The following PDZRN4 variants were observed in gnomAD, a reference collection of about 807,000 sequenced individuals.
The protein encoded by PDZRN4 is PDZ domain containing ring finger 4.
Under a neutral mutation model 99.0 loss-of-function variants are expected in PDZRN4, and 70 were observed. That is an observed-to-expected ratio of 0.71 (90% CI 0.58 to 0.86). The LOEUF is 0.86. Among genes scored for constraint, PDZRN4 ranks in the 40% least tolerant of loss-of-function variants. PDZRN4 has a pLI of 0.00. For synonymous variants in PDZRN4, 551 were observed against 501.6 expected, an observed-to-expected ratio of 1.10 and a Z score of -1.32; for missense variants, 1,474 against 1,331.2, an observed-to-expected ratio of 1.11 and a Z score of -1.67.
At chr12:41,480,748 A>T (rs1038652442) in intron 3 of PDZRN4, among the ~76,000 whole-genome samples, 3 of 152,122 alleles carry the variant, frequency 2.0e-5, no homozygotes, top group African/African-American at 7.2e-5. Context: ...ACAGAAAGCA[A>T]GATAGGGGAG....
intron 3 of PDZRN4, chr12:41,438,037 C>T: frequency 6.2e-7 from 1 of 1,611,342 alleles, no homozygotes; most frequent in Non-Finnish European, 8.5e-7. Flanking sequence ...CTGATACCAG[C>T]AACTAAGAGC....
intron 5 of PDZRN4, among the ~76,000 whole-genome samples, chr12:41,538,977 G>T (rs1938798689): frequency 6.6e-6 from 1 of 151,974 alleles, no homozygotes; most frequent in Non-Finnish European, 1.5e-5. Context: ...ATAACACAAT[G>T]TCACTGTTAA....
rs56031225 is a variant in PDZRN4 at position 41,402,115 on chromosome 12, GTA to G, written c.844-104316_844-104315del. Among the ~76,000 whole-genome samples the G allele has an allele frequency of 2.3e-3, 60 of 25,862 alleles. 6 individuals are homozygous for G. The highest frequency in any genetic ancestry group is 0.016 in the East Asian group (15 of 964). 17.0% of individuals were successfully genotyped at this position (25,862 alleles called of 152,430 possible). ...ATATATATATATATATACACACTGA[GTA>G]TATATATATATATATATATATATAC... On this transcript the variant is annotated intron_variant, in intron 3 of 9. Coordinates refer to ENST00000402685, the MANE Select transcript of PDZRN4 (RefSeq NM_001164595.2).
At chr12:41,288,551 T>C (rs1036994023) in intron 3 of PDZRN4, among the ~76,000 whole-genome samples, 1 of 152,128 alleles carries the variant, frequency 6.6e-6, no homozygotes, top group African/African-American at 2.4e-5. Flanking sequence ...GCAGTGTTTC[T>C]TTAAAAAATA....
At chr12:41,307,568 A>C (rs1193324514) in intron 3 of PDZRN4, among the ~76,000 whole-genome samples, 1 of 152,008 alleles carries the variant, frequency 6.6e-6, no homozygotes, top group Non-Finnish European at 1.5e-5. Flanking sequence ...AAAGCAAAAG[A>C]TGAGGAGATC....
At chr12:41,241,011 T>C (rs1041954534) in intron 3 of PDZRN4, among the ~76,000 whole-genome samples, 10 of 152,150 alleles carry the variant, frequency 6.6e-5, no homozygotes, top group African/African-American at 2.4e-4. Context: ...AACTTCAGTA[T>C]CTATTTTGCT....
At chr12:41,216,129 A>T (rs1950919530) in intron 3 of PDZRN4, among the ~76,000 whole-genome samples, 1 of 152,010 alleles carries the variant, frequency 6.6e-6, no homozygotes. Context: ...CTAATAGGTG[A>T]CATCCATTTC....
chr12:41,224,218 TG>T (rs1403459007), intron 3 of PDZRN4, among the ~76,000 whole-genome samples: 2 of 152,080 alleles, frequency 1.3e-5, no homozygotes, highest in Non-Finnish European at 2.9e-5. Flanking sequence ...TCAATCCTCA[TG>T]GAAGCACTTG....
Position 41,194,149 on chromosome 12 carries a change from C to A in PDZRN4, c.804C>A (p.Asp268Glu). ...VSKILENGPA[D>E]RADGLEIHDK... is the part of the protein sequence containing the mutation. ...AAATTTTAGAAAATGGACCTGCTGA[C>A]AGAGCAGATGGCCTGGAGATTCATG... Residue 268 changes from aspartate (D) to glutamate (E), a missense_variant, in exon 3 of 10, where the codon GAC becomes GAA. Asp to Glu is a conservative substitution (Grantham distance 45, BLOSUM62 2). Coordinates refer to ENST00000402685, the MANE Select transcript of PDZRN4 (RefSeq NM_001164595.2). 1 of 1,560,102 alleles carries A rather than the reference C, an allele frequency of 6.4e-7. No homozygotes were observed. Among genetic ancestry groups the A allele is most frequent in the Non-Finnish European group, 8.7e-7 (1 of 1,144,076 alleles).
intron 3 of PDZRN4, among the ~76,000 whole-genome samples, chr12:41,299,169 A>T (rs1274723974): frequency 6.6e-6 from 1 of 152,160 alleles, no homozygotes; most frequent in Non-Finnish European, 1.5e-5. Context: ...AAAAATAAAG[A>T]GAGCTGGCCA....
At chr12:41,552,595 T>A in intron 5 of PDZRN4, 61 bp from the exon 6 acceptor site, 1 of 1,271,018 alleles carries the variant, frequency 7.9e-7, no homozygotes. Flanking sequence ...CAGTGAGTTC[T>A]CCATTCTGTT....
intron 3 of PDZRN4, among the ~76,000 whole-genome samples, chr12:41,300,443 ATATATG>A (rs1182103011): frequency 2.6e-5 from 4 of 152,032 alleles, no homozygotes; most frequent in African/African-American, 9.6e-5. Context: ...ATTTTGAGAT[ATATATG>A]TATAACATTT....
At chr12:41,378,570 T>C (rs1952099102) in intron 3 of PDZRN4, among the ~76,000 whole-genome samples, 1 of 141,520 alleles carries the variant, frequency 7.1e-6, no homozygotes, top group Admixed American at 7.5e-5. Flanking sequence ...TCACCTAGAC[T>C]GGAGTACAAT....
In PDZRN4 at chr12:41,437,912, TAGA is replaced by T. The variant is rs759061511; in HGVS notation, c.844-68540_844-68538del. The T allele has an allele frequency of 5.0e-6, 8 of 1,613,886 alleles. No individual in the cohort carries two copies. In the Admixed American group the frequency reaches 1.3e-4, roughly 27 times the overall value. On this transcript the variant is annotated intron_variant, in intron 3 of 9. Coordinates refer to ENST00000402685, the MANE Select transcript of PDZRN4 (RefSeq NM_001164595.2). ...ACTTGCCTTTCAGTTCTGGGGAAAT[TAGA>T]AGATTTGCTCTCTCTCTCTGCTTCT... is the stretch of plus-strand genomic sequence containing the variant.
intron 3 of PDZRN4, among the ~76,000 whole-genome samples, chr12:41,436,796 G>A (rs1952633573): frequency 6.6e-6 from 1 of 152,168 alleles, no homozygotes; most frequent in South Asian, 2.1e-4. Flanking sequence ...TAGTTTTTAA[G>A]TCTCTGTTCA....
At chr12:41,303,148 A>G (rs1424539019) in intron 3 of PDZRN4, among the ~76,000 whole-genome samples, 1 of 152,164 alleles carries the variant, frequency 6.6e-6, no homozygotes, top group Non-Finnish European at 1.5e-5. Flanking sequence ...GACGGTCTTC[A>G]GGGAGACTCC....
intron 5 of PDZRN4, among the ~76,000 whole-genome samples, chr12:41,535,959 A>G (rs146779642): frequency 2.2e-4 from 33 of 152,184 alleles, no homozygotes; most frequent in African/African-American, 7.9e-4. Context: ...TTTCTTTACA[A>G]TCCCTTGGGA....
At chr12:41,219,487 A>G (rs1294273573) in intron 3 of PDZRN4, among the ~76,000 whole-genome samples, 1 of 152,160 alleles carries the variant, frequency 6.6e-6, no homozygotes, top group Non-Finnish European at 1.5e-5. Flanking sequence ...GAAATGAGAC[A>G]CTTCTAACAG....
intron 3 of PDZRN4, among the ~76,000 whole-genome samples, chr12:41,390,350 T>C (rs1329435996): frequency 2.0e-5 from 3 of 152,108 alleles, no homozygotes; most frequent in Non-Finnish European, 4.4e-5. Context: ...TTAATGTTTT[T>C]GCTATACCAT....
Sources: gnomAD v4.1 joint callset for allele counts (sites outside exome capture counted in the v4.1 genomes callset) on GRCh38, gnomAD v4.1.1 for gene constraint, MANE v1.5 for transcripts, NCBI Gene and HGNC (gene_info 2026-07-23, HGNC 2026-07-21) for gene names.